SCAF11: variants seen among roughly 807,000 people sequenced by gnomAD.
SCAF11 encodes SR-related CTD associated factor 11.
In SCAF11, 47 loss-of-function variants were observed where a neutral mutation model predicts 140.5. The ratio of observed to expected loss-of-function variants is 0.33; its 90% CI spans 0.26 to 0.43. The LOEUF (loss-of-function observed/expected upper bound fraction) is 0.43, where lower values mean the gene tolerates loss of function less well. SCAF11 is among the 20% of genes least tolerant of loss of function. SCAF11 has a pLI of 1.00. For synonymous variants in SCAF11, 557 were observed against 579.4 expected, an observed-to-expected ratio of 0.96 and a Z score of 0.55; for missense variants, 1,645 against 1,705.1, an observed-to-expected ratio of 0.96 and a Z score of 0.62.
rs1945120056 is a variant in SCAF11 at position 45,934,254 on chromosome 12, C to T, written c.554G>A (p.Cys185Tyr). Residue 185 changes from cysteine (C) to tyrosine (Y), a missense_variant, in exon 8 of 15, where the codon TGC (cysteine) becomes TAC (tyrosine). Transcript: ENST00000369367. ...PQRSNWSTNQ[C>Y]FRNFFSNMFS... ...CATATTGGAGAAAAAATTTCTGAAG[C>T]ACTGATTTGTACTCCAATTTGATCT... 6.2e-7 allele frequency: 1 copy of T among 1,611,120 alleles called. No homozygotes were observed. The highest frequency in any genetic ancestry group is 8.5e-7 in the Non-Finnish European group (1 of 1,178,396).
intron 3 of SCAF11, chr12:45,961,325 G>A: frequency 1.4e-6 from 1 of 715,714 alleles, no homozygotes; most frequent in South Asian, 1.5e-5. Flanking sequence ...AAAAGTCCCT[G>A]AAAAATATAA....
Position 45,922,538 on chromosome 12 carries a change from G to A in SCAF11, c.4170C>T (p.Ala1390=). The A allele has an allele frequency of 1.3e-6, 2 of 1,598,738 alleles. No individual in the cohort carries two copies. The highest frequency in any genetic ancestry group is 1.7e-6 in the Non-Finnish European group (2 of 1,176,666). ...QEKAAQEVKL[A]IKPFYQNKDI... The stretch of plus-strand genomic sequence containing the variant: ...CTTTATTTTGGTAAAATGGCTTGAT[G>A]GCCAATTTTACCTCTTGTGCTGCTT... Residue 1390 remains alanine, a synonymous_variant, in exon 14 of 15, where the codon GCC becomes GCT. Coordinates refer to ENST00000369367, the MANE Select transcript of SCAF11 (RefSeq NM_004719.3).
intron 2 of SCAF11, among the ~76,000 whole-genome samples, chr12:45,962,924 T>C (rs575229881): frequency 6.6e-6 from 1 of 152,212 alleles, no homozygotes; most frequent in Admixed American, 6.5e-5. Flanking sequence ...CCTAAGAAAA[T>C]AAGCTGTCTT....
At chr12:45,945,187 C>T (rs1945391667) in intron 6 of SCAF11, 62 bp downstream of exon 6, 2 of 956,286 alleles carry the variant, frequency 2.1e-6, no homozygotes, top group Non-Finnish European at 1.7e-6. Context: ...AACTCTGACA[C>T]AACCATTAAA....
Position 45,926,561 on chromosome 12 carries a change from C to A in SCAF11, c.3140G>T (p.Trp1047Leu), listed in dbSNP as rs1944864707. The change falls in exon 11 of 15, where the codon TGG becomes TTG. Residue 1047 changes from tryptophan to leucine, a missense_variant. Coordinates refer to ENST00000369367, the MANE Select transcript of SCAF11 (RefSeq NM_004719.3). ...TGAATTTTCATTTCTATTTTCTTCC[C>A]AATGAGACTCTTTCAACTTTTCTGG... ...RNPEKLKESHWEENRNENSGN... is the reference protein window; with the variant it reads ...RNPEKLKESHLEENRNENSGN... 6.2e-7 allele frequency: 1 copy of A among 1,613,046 alleles called. No individual in the cohort carries two copies. The highest frequency in any genetic ancestry group is 1.7e-5 in the Admixed American group (1 of 59,762).
intron 1 of SCAF11, among the ~76,000 whole-genome samples, chr12:45,979,561 C>T (rs1321758165): frequency 6.6e-6 from 1 of 152,122 alleles, no homozygotes; most frequent in Non-Finnish European, 1.5e-5. Flanking sequence ...GAGAACTGAT[C>T]ACTTTCTTCA....
chr12:45,951,121 A>G (rs1945539570), intron 4 of SCAF11, among the ~76,000 whole-genome samples: 1 of 152,156 alleles, frequency 6.6e-6, no homozygotes, highest in Non-Finnish European at 1.5e-5. Flanking sequence ...AGTAACATTA[A>G]TGAGGTAAGC....
At position 45,922,186 on chromosome 12, in the gene SCAF11, A is replaced by T. The variant is rs1389620415; in HGVS notation, c.4254T>A (p.His1418Gln). The change falls in exon 15 of 15, where the codon CAT (histidine) becomes CAA (glutamine). Residue 1418 changes from histidine (H) to glutamine (Q), a missense_variant. Around this residue, in one of 2 missense-constraint regions of SCAF11, gnomAD observed 63 missense variants for 95.9 expected, o/e 0.66. Coordinates refer to ENST00000369367, the MANE Select transcript of SCAF11 (RefSeq NM_004719.3). ...IVRKAVDKVC[H>Q]SKSGEVNSTK... ...TAGAATTTACTTCTCCACTCTTACTATGACAAACCTAAGAAAAAAGGGGTG... is the reference window on the plus strand; with the variant it reads ...TAGAATTTACTTCTCCACTCTTACTTTGACAAACCTAAGAAAAAAGGGGTG... The T allele has an allele frequency of 6.2e-7, 1 of 1,602,526 alleles. No individual in the cohort carries two copies. The highest frequency in any genetic ancestry group is 8.5e-7 in the Non-Finnish European group (1 of 1,177,352).
intron 11 of SCAF11, among the ~76,000 whole-genome samples, chr12:45,925,671 C>A (rs1351550173): frequency 1.3e-5 from 2 of 151,608 alleles, no homozygotes; most frequent in African/African-American, 2.4e-5. Flanking sequence ...TAAAATTTAA[C>A]TACTAAATTA....
rs140432227 is a variant in SCAF11 at position 45,971,114 on chromosome 12, T to C, written c.-21-6926A>G. Among the ~76,000 whole-genome samples, 409 of 152,304 alleles carry C rather than the reference T, an allele frequency of 2.7e-3. 3 individuals carry two copies. The highest frequency in any genetic ancestry group is 8.0e-3 in the African/African-American group (332 of 41,566). ...AAAGCTAATACATTTATTTAGAAAG[T>C]TCATCAAGTGTTCTAAAAAAAGAAT... On this transcript the variant is annotated intron_variant, in intron 1 of 14. Coordinates refer to ENST00000369367, the MANE Select transcript of SCAF11 (RefSeq NM_004719.3).
chr12:45,990,186 A>G (rs1464221111), intron 1 of SCAF11, among the ~76,000 whole-genome samples, 167 bp downstream of exon 1: 1 of 152,036 alleles, frequency 6.6e-6, no homozygotes, highest in African/African-American at 2.4e-5. Flanking sequence ...GGTAGCTCCA[A>G]CTTTCCTCCC....
chr12:45,939,283 C>T (rs1037771396), intron 6 of SCAF11, among the ~76,000 whole-genome samples: 3 of 151,830 alleles, frequency 2.0e-5, no homozygotes, highest in African/African-American at 7.3e-5. Flanking sequence ...TATAAGAATT[C>T]GCAACTTCAC....
rs989159599 is a variant in SCAF11, at chr12:45,926,464, G to A, written c.3237C>T (p.Gly1079=). ...SNRGRGRGNR[G]RGTYRSSFAY... is the part of the protein sequence containing the mutation. Reference sequence around the variant, plus strand: ...CAAAACTACTTCTGTAAGTGCCTCTGCCACGGTTGCCTCTGCCTCTACCAC... The same window carrying A: ...CAAAACTACTTCTGTAAGTGCCTCTACCACGGTTGCCTCTGCCTCTACCAC... Residue 1079 remains glycine, a synonymous_variant, in exon 11 of 15, where the codon GGC becomes GGT. Coordinates refer to ENST00000369367, the MANE Select transcript of SCAF11 (RefSeq NM_004719.3). 2 of 1,614,132 alleles carry A rather than the reference G, an allele frequency of 1.2e-6. No homozygotes were observed. Among genetic ancestry groups the A allele is most frequent in the Admixed American group, 1.7e-5 (1 of 60,026 alleles).
chr12:45,974,726 TAA>T (rs1159345898), intron 1 of SCAF11: 1 of 160,128 alleles, frequency 6.2e-6, no homozygotes, highest in East Asian at 1.8e-4. Flanking sequence ...TTTGAATCCC[TAA>T]AAGTCATCCA....
rs1944940515 is a variant in SCAF11, at chr12:45,928,113, A to T, written c.1588T>A (p.Ser530Thr). Residue 530 changes from serine to threonine, a missense_variant, in exon 11 of 15, where the codon TCT becomes ACT. By Grantham distance (58) the Ser-to-Thr change is moderately conservative (BLOSUM62 1). Transcript: ENST00000369367. ...GDPLEKQDQI[S>T]GLSQSEVKTD... is the part of the protein sequence containing the mutation. ...TTTACCTCTGATTGTGAAAGTCCAG[A>T]TATCTGGTCTTGCTTTTCCAATGGA... The T allele has an allele frequency of 6.2e-7, 1 of 1,613,870 alleles. No homozygotes were observed.
At chr12:45,983,343 C>T (rs895294068) in intron 1 of SCAF11, among the ~76,000 whole-genome samples, 1 of 152,058 alleles carries the variant, frequency 6.6e-6, no homozygotes, top group African/African-American at 2.4e-5. Flanking sequence ...GGGCACAGAC[C>T]TAATAGACAC....
At chr12:45,969,430 G>A (rs188743666) in intron 1 of SCAF11, among the ~76,000 whole-genome samples, 14 of 151,854 alleles carry the variant, frequency 9.2e-5, no homozygotes, top group Admixed American at 8.5e-4. Context: ...CTCCCTCCTT[G>A]CTCTTGCTGT....
At chr12:45,954,733 C>CT (rs759746881) in intron 3 of SCAF11, 31,989 of 93,744 alleles carry the variant, frequency 0.34, 6,527 homozygotes, top group African/African-American at 0.59. Flanking sequence ...CCGTGCCTAG[C>CT]TTTTTTTTTT....
intron 12 of SCAF11, among the ~76,000 whole-genome samples, chr12:45,924,088 A>G (rs567674762): frequency 6.6e-6 from 1 of 152,200 alleles, no homozygotes; most frequent in South Asian, 2.1e-4. Flanking sequence ...TGATTCACCC[A>G]CCTGGGCCTC....
Sources: allele counts gnomAD v4.1 joint callset (sites outside exome capture counted in the v4.1 genomes callset), GRCh38; gene constraint gnomAD v4.1.1; regional missense constraint gnomAD v4.1.1; transcripts MANE v1.5; gene names NCBI Gene and HGNC (gene_info 2026-07-23, HGNC 2026-07-21).